Variants in SORCS2 observed in about 807,000 individuals in gnomAD.
SORCS2 encodes the protein VPS10 domain-containing receptor SorCS2.
A neutral mutation model predicts 141.6 loss-of-function variants in SORCS2; 100 were observed. The observed-to-expected ratio is 0.71, with a 90% CI of 0.60 to 0.83. SORCS2 has a LOEUF of 0.83. SORCS2 is among the 40% of genes least tolerant of loss of function. The probability of loss-of-function intolerance (pLI) is 0.00; values close to 1 mark genes in which losing one functional copy is unlikely to be tolerated. For synonymous variants in SORCS2, 789 were observed against 676.9 expected (o/e 1.17, Z -2.57); for missense variants, 1,646 against 1,560.2 (o/e 1.05, Z -0.93).
chr4:7,256,906 G>A (rs1390710413), intron 1 of SORCS2, among the ~76,000 whole-genome samples: 1 of 152,106 alleles, frequency 6.6e-6, no homozygotes, highest in Non-Finnish European at 1.5e-5. Context: ...GGCAGAGTGT[G>A]GGCACCGGCC....
At chr4:7,207,475 G>A (rs1727812208) in intron 1 of SORCS2, among the ~76,000 whole-genome samples, 1 of 152,206 alleles carries the variant, frequency 6.6e-6, no homozygotes, top group Non-Finnish European at 1.5e-5. Flanking sequence ...GGCTCCTGGA[G>A]GCGGGCAGGT....
chr4:7,341,834 G>A (rs10003877), intron 1 of SORCS2, among the ~76,000 whole-genome samples: 70,744 of 152,072 alleles, frequency 0.47, 16,805 homozygotes, highest in African/African-American at 0.55. Context: ...GGAAACTCCA[G>A]ACCCATTAGG....
chr4:7,490,807 C>T (rs937766644), intron 2 of SORCS2, among the ~76,000 whole-genome samples: 11 of 152,120 alleles, frequency 7.2e-5, no homozygotes, highest in Admixed American at 3.9e-4. Flanking sequence ...TCATCTCCCT[C>T]GGGGTGTCCC....
chr4:7,584,057 C>A (rs1577791517), intron 3 of SORCS2, among the ~76,000 whole-genome samples: 1 of 152,248 alleles, frequency 6.6e-6, no homozygotes. Context: ...GTGACTGTGT[C>A]TTGCGGACAC....
At chr4:7,433,240 T>G (rs1460577303) in intron 2 of SORCS2, 3 of 1,309,574 alleles carry the variant, frequency 2.3e-6, no homozygotes, top group Admixed American at 3.7e-5. Flanking sequence ...AGTTTTTCAT[T>G]TGTGAAATGG....
chr4:7,212,639 C>T (rs1728120890), intron 1 of SORCS2, among the ~76,000 whole-genome samples: 1 of 152,256 alleles, frequency 6.6e-6, no homozygotes, highest in African/African-American at 2.4e-5. Context: ...TGCTGTTTGT[C>T]CCTGCTCCTG....
intron 14 of SORCS2, among the ~76,000 whole-genome samples, chr4:7,708,774 C>T (rs575550383): frequency 3.5e-4 from 53 of 152,300 alleles, no homozygotes; most frequent in Admixed American, 2.4e-3. Flanking sequence ...TTTATTCCTC[C>T]GTTTTTAGAG....
chr4:7,690,802 G>A (rs1724193962), intron 11 of SORCS2, among the ~76,000 whole-genome samples: 1 of 152,146 alleles, frequency 6.6e-6, no homozygotes, highest in African/African-American at 2.4e-5. Flanking sequence ...AGTGGGGGGA[G>A]AAAAACAAGT....
chr4:7,719,361 C>A (rs1726420437), intron 18 of SORCS2, among the ~76,000 whole-genome samples: 1 of 152,220 alleles, frequency 6.6e-6, no homozygotes, highest in Admixed American at 6.5e-5. Flanking sequence ...TACTCCTGGC[C>A]CCACCTCAAG....
At chr4:7,740,128 C>A (rs1387370718) in intron 26 of SORCS2, 72 bp from the exon 27 acceptor site, 2 of 1,373,630 alleles carry the variant, frequency 1.5e-6, no homozygotes, top group Non-Finnish European at 2.0e-6. Context: ...GAGGCCACGA[C>A]CGTGTCCCCT....
intron 18 of SORCS2, among the ~76,000 whole-genome samples, chr4:7,721,092 C>T (rs1002053806): frequency 3.9e-5 from 6 of 152,168 alleles, no homozygotes; most frequent in African/African-American, 1.4e-4. Context: ...GCCCAGGTGC[C>T]CTGCAGTGGG....
intron 2 of SORCS2, among the ~76,000 whole-genome samples, chr4:7,528,006 G>T (rs1733803523): frequency 6.6e-6 from 1 of 151,934 alleles, no homozygotes; most frequent in African/African-American, 2.4e-5. Flanking sequence ...TGCAGTGTCT[G>T]TCTCCTTGTG....
At chr4:7,541,430 C>T (rs1037010365) in intron 3 of SORCS2, among the ~76,000 whole-genome samples, 5 of 152,182 alleles carry the variant, frequency 3.3e-5, no homozygotes, top group Admixed American at 6.5e-5. Context: ...CATGCATTTG[C>T]AAATTGAGAT....
At chr4:7,450,364 A>G (rs114275430) in intron 2 of SORCS2, among the ~76,000 whole-genome samples, 1,672 of 152,196 alleles carry the variant, frequency 0.011, 38 homozygotes, top group African/African-American at 0.038. Flanking sequence ...CAGCCCCTAC[A>G]CCTGCTCTCC....
chr4:7,200,300 C>T (rs967726858), intron 1 of SORCS2, among the ~76,000 whole-genome samples: 73 of 152,196 alleles, frequency 4.8e-4, no homozygotes, highest in African/African-American at 1.7e-3. Flanking sequence ...CTGGCTCTGA[C>T]CCCGGGGTCC....
intron 1 of SORCS2, among the ~76,000 whole-genome samples, chr4:7,221,918 G>A (rs1005120037): frequency 2.0e-5 from 3 of 152,176 alleles, no homozygotes; most frequent in Non-Finnish European, 2.9e-5. Flanking sequence ...TTACCTTCAC[G>A]GAGCTTATAT....
At chr4:7,434,527 A>C in intron 2 of SORCS2, 1 of 1,613,056 alleles carries the variant, frequency 6.2e-7, no homozygotes, top group Non-Finnish European at 8.5e-7. Flanking sequence ...CATGCTCAGG[A>C]TGGCCGAACT....
At chr4:7,467,556 C>T (rs74505462) in intron 2 of SORCS2, among the ~76,000 whole-genome samples, 1,531 of 152,288 alleles carry the variant, frequency 0.01, 21 homozygotes, top group African/African-American at 0.035. Context: ...TGAGTGTGGG[C>T]CTGGGCAGTC....
chr4:7,408,927 TC>T (rs1725138153), intron 2 of SORCS2, among the ~76,000 whole-genome samples: 3 of 152,328 alleles, frequency 2.0e-5, no homozygotes, highest in Admixed American at 2.0e-4. Flanking sequence ...CAGGTGTTTT[TC>T]TCAGTTCCAA....
Sources: gnomAD v4.1 joint callset for allele counts (sites outside exome capture counted in the v4.1 genomes callset) on GRCh38, gnomAD v4.1.1 for gene constraint, MANE v1.5 for transcripts, NCBI Gene and HGNC (gene_info 2026-07-23, HGNC 2026-07-21) for gene names.